The following CPLANE1 variants were observed in gnomAD, a reference collection of about 807,000 sequenced individuals.
CPLANE1 encodes ciliogenesis and planar polarity effector 1.
Under a neutral mutation model 362.5 loss-of-function variants are expected in CPLANE1, and 263 were observed. The ratio of observed to expected loss-of-function variants is 0.73; its 90% CI spans 0.66 to 0.80. CPLANE1 has a LOEUF of 0.80. Ranked by LOEUF, CPLANE1 falls within the 30% of genes least tolerant of loss-of-function variation. The probability of loss-of-function intolerance (pLI) is 0.00; values close to 1 mark genes in which losing one functional copy is unlikely to be tolerated. For synonymous variants in CPLANE1, 1,212 were observed against 1,302.6 expected (o/e 0.93, Z 1.50); for missense variants, 3,461 against 3,793.4 (o/e 0.91, Z 2.30).
intron 21 of CPLANE1, among the ~76,000 whole-genome samples, chr5:37,188,114 A>C (rs1784533766): frequency 6.6e-6 from 1 of 152,226 alleles, no homozygotes; most frequent in Admixed American, 6.5e-5. Flanking sequence ...TATTAAAAGC[A>C]ATACAAGTAC....
chr5:37,183,307 G>T lies in CPLANE1; in HGVS notation c.4874C>A (p.Ser1625Tyr). 1 of 1,613,006 alleles carries T rather than the reference G, an allele frequency of 6.2e-7. No homozygotes were observed. The highest frequency in any genetic ancestry group is 1.1e-5 in the South Asian group (1 of 90,712). The change falls in exon 26 of 53, where the codon TCC becomes TAC. Residue 1625 changes from serine (S) to tyrosine (Y), a missense_variant. By Grantham distance (144) the Ser-to-Tyr change is moderately radical (BLOSUM62 -2). Transcript: ENST00000651892. ...AGSCFVVAPE[S>Y]YESEKSSSLN... ...AGAGGATGATTTTTCTGATTCATAG[G>T]ACTCAGGAGCAACAACAAAGCAAGA...
At chr5:37,228,373 A>G (rs1796921257) in intron 9 of CPLANE1, among the ~76,000 whole-genome samples, 1 of 152,160 alleles carries the variant, frequency 6.6e-6, no homozygotes, top group African/African-American at 2.4e-5. Context: ...GGGCTTTACA[A>G]ATATAAAAGG....
At chr5:37,085,795 C>A in the CPLANE1 span, 1 of 1,448,156 alleles carries the variant, frequency 6.9e-7, no homozygotes, top group Non-Finnish European at 9.7e-7. Flanking sequence ...AGGGTATCTG[C>A]CTCACTATTG....
chr5:37,227,837 A>G lies in CPLANE1; in HGVS notation c.1122-20T>C. 5 of 1,533,326 alleles carry G rather than the reference A, an allele frequency of 3.3e-6. No individual in the cohort carries two copies. Among genetic ancestry groups the G allele is most frequent in the Non-Finnish European group, 3.5e-6 (4 of 1,137,814 alleles). The allele number at this position is 1,533,326 out of a possible 1,614,324, so 95.0% of individuals were successfully genotyped here. On this transcript the variant is annotated intron_variant, in intron 9 of 52. Transcript: ENST00000651892. ...TGTGGTCTAGTAAACAAACATCAAA[A>G]TACAAGAATCAGTAAGAGAAAGATC... is the stretch of plus-strand genomic sequence containing the variant.
At chr5:37,114,737 G>A (rs981294438) in intron 51 of CPLANE1, among the ~76,000 whole-genome samples, 2 of 151,838 alleles carry the variant, frequency 1.3e-5, no homozygotes, top group African/African-American at 2.4e-5. Flanking sequence ...CCATCTCTAC[G>A]AAAAATACAA....
At chr5:37,168,688 AT>A (rs1355652160) in intron 34 of CPLANE1, 102 bp downstream of exon 34, 6 of 978,964 alleles carry the variant, frequency 6.1e-6, no homozygotes, top group South Asian at 1.9e-5. Context: ...TATAACAAGC[AT>A]TTTTTTATGT....
chr5:37,231,059 A>G lies in CPLANE1; in HGVS notation c.939-10T>C. On this transcript the variant is annotated splice_polypyrimidine_tract_variant and intron_variant, in intron 8 of 52. Transcript: ENST00000651892. ...ACCTACCCAGTAGGACCTATAATAA[A>G]TAAGAGACAACATGTTTAGAAGAGA... 1 of 1,501,988 alleles carries G rather than the reference A, an allele frequency of 6.7e-7. No homozygotes were observed. Among genetic ancestry groups the G allele is most frequent in the Non-Finnish European group, 8.9e-7 (1 of 1,123,530 alleles). The allele number at this position is 1,501,988 out of a possible 1,614,324, so 93.0% of individuals were successfully genotyped here.
Position 37,183,424 on chromosome 5 carries a change from T to C in CPLANE1, c.4757A>G (p.Glu1586Gly), listed in dbSNP as rs1783195472. ...AAAAAGTAAAGAATTAAGTTCATGTTCTCTAAGCTTTCCAGAAAAACTAGT... is the reference window on the plus strand; with the variant it reads ...AAAAAGTAAAGAATTAAGTTCATGTCCTCTAAGCTTTCCAGAAAAACTAGT... ...FLTSFSGKLR[E>G]HELNSLLFDV... The change falls in exon 26 of 53, where the codon GAA (glutamate) becomes GGA (glycine). Residue 1586 changes from glutamate to glycine, a missense_variant. Glu to Gly is a moderately conservative substitution (Grantham distance 98, BLOSUM62 -2). Coordinates refer to ENST00000651892, the MANE Select transcript of CPLANE1 (RefSeq NM_001384732.1). 2 of 1,613,792 alleles carry C rather than the reference T, an allele frequency of 1.2e-6. No homozygotes were observed. Among genetic ancestry groups the C allele is most frequent in the East Asian group, 2.2e-5 (1 of 44,822 alleles).
In CPLANE1 at chr5:37,226,620, G is replaced by T. The variant is rs1192029285; in HGVS notation, c.1975C>A (p.His659Asn). ...GTATTTGAGGTCAGCTTTATCAAATGCCCCACATCTTGTTTGTATCTTATA... is the reference window on the plus strand; with the variant it reads ...GTATTTGAGGTCAGCTTTATCAAATTCCCCACATCTTGTTTGTATCTTATA... The part of the protein sequence containing the change: ...WDIRYKQDVG[H>N]LIKLTSNTVK... The change falls in exon 12 of 53, where the codon CAT becomes AAT. Residue 659 changes from histidine (H) to asparagine (N), a missense_variant. By Grantham distance (68) the His-to-Asn change is moderately conservative. Around this residue, in one of 2 missense-constraint regions of CPLANE1, gnomAD observed 3,380 missense variants for 3,666.1 expected, o/e 0.92. Coordinates refer to ENST00000651892, the MANE Select transcript of CPLANE1 (RefSeq NM_001384732.1). 1 of 1,551,236 alleles carries T rather than the reference G, an allele frequency of 6.4e-7. No individual in the cohort carries two copies. Among genetic ancestry groups the T allele is most frequent in the Non-Finnish European group, 8.7e-7 (1 of 1,146,850 alleles).
the CPLANE1 span, among the ~76,000 whole-genome samples, chr5:37,091,302 GGTATATCAT>G: frequency 6.6e-6 from 1 of 152,006 alleles, no homozygotes; most frequent in African/African-American, 2.4e-5. Flanking sequence ...GAGTCCACTT[GGTATATCAT>G]TAAACATCTT....
In CPLANE1 at chr5:37,226,327, A is replaced by T. The variant is rs546125732; in HGVS notation, c.2268T>A (p.Asn756Lys). Reference sequence around the variant, plus strand: ...ACCTGTGTCCTGGCTGTTGCACAGGATTTACTACTTGAGGATGAATCTTGA... The same window carrying T: ...ACCTGTGTCCTGGCTGTTGCACAGGTTTTACTACTTGAGGATGAATCTTGA... Reference protein sequence around the residue: ...SFFKIHPQVVNPVQQPGHRLL... With the variant: ...SFFKIHPQVVKPVQQPGHRLL... The change falls in exon 12 of 53, where the codon AAT (asparagine) becomes AAA (lysine). Residue 756 changes from asparagine to lysine, a missense_variant. By Grantham distance (94) the Asn-to-Lys change is moderately conservative (BLOSUM62 0). Around this residue, in one of 2 missense-constraint regions of CPLANE1, gnomAD observed 3,380 missense variants for 3,666.1 expected, o/e 0.92. Transcript: ENST00000651892. The T allele has an allele frequency of 7.2e-6, 11 of 1,535,840 alleles. No individual in the cohort carries two copies. The highest frequency in any genetic ancestry group is 2.1e-5 in the Admixed American group (1 of 47,606).
intron 32 of CPLANE1, 134 bp from the exon 33 acceptor site, chr5:37,170,465 C>T: frequency 1.0e-6 from 1 of 955,398 alleles, no homozygotes; most frequent in Non-Finnish European, 1.5e-6. Flanking sequence ...GAATGCTGAG[C>T]AGGAGGCAGT....
intron 46 of CPLANE1, among the ~76,000 whole-genome samples, chr5:37,128,121 G>C (rs530582549): frequency 1.7e-3 from 256 of 152,250 alleles, no homozygotes; most frequent in African/African-American, 5.6e-3. Context: ...GGATTTAAAA[G>C]ATATTTTTAT....
intron 18 of CPLANE1, among the ~76,000 whole-genome samples, chr5:37,202,421 G>A (rs1239478693): frequency 6.6e-6 from 1 of 151,910 alleles, no homozygotes; most frequent in Non-Finnish European, 1.5e-5. Flanking sequence ...CTAAAGTCCT[G>A]GGATTACAGA....
At chr5:37,120,774 G>A (rs971783523) in intron 49 of CPLANE1, among the ~76,000 whole-genome samples, 1 of 151,798 alleles carries the variant, frequency 6.6e-6, no homozygotes, top group East Asian at 1.9e-4. Flanking sequence ...CATATATTGG[G>A]CAGTTATATA....
chr5:37,147,012 T>C (rs943742868), intron 43 of CPLANE1, among the ~76,000 whole-genome samples: 6 of 152,166 alleles, frequency 3.9e-5, no homozygotes, highest in African/African-American at 1.2e-4. Context: ...AGCCTTAAGA[T>C]GAATGTAACA....
In CPLANE1 at chr5:37,215,992, C is replaced by T. The variant is rs138540867; in HGVS notation, c.2747-2260G>A. Among the ~76,000 whole-genome samples the T allele has an allele frequency of 3.6e-3, 546 of 151,860 alleles. 2 individuals are homozygous for T. Among genetic ancestry groups the T allele is most frequent in the African/African-American group, 0.012 (514 of 41,418 alleles). On this transcript the variant is annotated intron_variant, in intron 15 of 52. Transcript: ENST00000651892. ...GACTATAGGCACACGCCACCTTGAC[C>T]GGCTAATTTTTTTTGTATTTTTTTG...
At chr5:37,188,833 CTTAA>C (rs915420241) in intron 21 of CPLANE1, among the ~76,000 whole-genome samples, 16 of 152,096 alleles carry the variant, frequency 1.1e-4, no homozygotes, top group East Asian at 9.6e-4. Flanking sequence ...TCATTTATGC[CTTAA>C]TTGTTTATTT....
At chr5:37,096,101 A>G in the CPLANE1 span, among the ~76,000 whole-genome samples, 1 of 152,184 alleles carries the variant, frequency 6.6e-6, no homozygotes, top group Non-Finnish European at 1.5e-5. Flanking sequence ...TGGAACCAAA[A>G]AAGAGCCCAC....
Sources: allele counts gnomAD v4.1 joint callset (sites outside exome capture counted in the v4.1 genomes callset), GRCh38; gene constraint gnomAD v4.1.1; regional missense constraint gnomAD v4.1.1; transcripts MANE v1.5; gene names NCBI Gene and HGNC (gene_info 2026-07-23, HGNC 2026-07-21).